Variants in NXPE4 observed in about 807,000 individuals in gnomAD.
The protein encoded by NXPE4 is NXPE family member 4.
NXPE4 carries 42 observed loss-of-function variants against 33.3 expected under a neutral mutation model. The observed-to-expected ratio is 1.26, with a 90% CI of 0.98 to 1.63. NXPE4 has a LOEUF of 1.63. Among genes scored for constraint, NXPE4 ranks in the 40% most tolerant of loss-of-function variants. The pLI is 0.00. For synonymous variants in NXPE4, 253 were observed against 234.9 expected (o/e 1.08, Z -0.71); for missense variants, 709 against 647.6 (o/e 1.09, Z -1.03).
chr11:114,653,138 C>T, the NXPE4 span, among the ~76,000 whole-genome samples: 23 of 152,220 alleles, frequency 1.5e-4, no homozygotes, highest in African/African-American at 4.6e-4. Context: ...ACAATACTGA[C>T]TTGTTTTATA....
At chr11:114,630,067 A>C in the NXPE4 span, among the ~76,000 whole-genome samples, 1 of 151,722 alleles carries the variant, frequency 6.6e-6, no homozygotes, top group Non-Finnish European at 1.5e-5. Context: ...GGGTAGGAAG[A>C]ATCAATATCG....
rs1178808260 is a variant in NXPE4 at position 114,583,032 on chromosome 11, A to G, written c.97-11T>C. On this transcript the variant is annotated splice_polypyrimidine_tract_variant and intron_variant, in intron 2 of 5. Transcript: ENST00000375478. ...TAGAGCAGACCAAACCTGAAATGAC[A>G]GCAAATGTGACATGAGATGGATAAA... is the stretch of plus-strand genomic sequence containing the variant. The G allele has an allele frequency of 1.9e-6, 3 of 1,596,568 alleles. No homozygotes were observed. In the African/African-American group the frequency reaches 4.0e-5, roughly 21 times the overall value.
rs1288739425 is a variant in NXPE4, at chr11:114,581,903, AC to A, written c.831-118del. ...TAGAGATAAGTCAATTATTATGCCT[AC>A]AGTTTCAGGCCATTTAGTAAATTTC... On this transcript the variant is annotated intron_variant, in intron 3 of 5. Coordinates refer to ENST00000375478, the MANE Select transcript of NXPE4 (RefSeq NM_001077639.2). 12 of 720,368 alleles carry A rather than the reference AC, an allele frequency of 1.7e-5. No homozygotes were observed. The African/African-American group carries it at 2.0e-4, about 12-fold the overall frequency. 44.6% of individuals were successfully genotyped at this position (720,368 alleles called of 1,614,324 possible). A position where few individuals can be genotyped will look rare whatever the true frequency, so the allele number is the denominator to read the frequency against.
chr11:114,651,914 A>G, the NXPE4 span, among the ~76,000 whole-genome samples: 1 of 152,212 alleles, frequency 6.6e-6, no homozygotes, highest in East Asian at 1.9e-4. Flanking sequence ...AACAGAAACC[A>G]TAAACAAAAC....
chr11:114,580,788 A>T (rs1949126593), intron 4 of NXPE4, among the ~76,000 whole-genome samples: 1 of 152,170 alleles, frequency 6.6e-6, no homozygotes, highest in Non-Finnish European at 1.5e-5. Flanking sequence ...AAATATTAAC[A>T]ACTAGTTTGG....
chr11:114,616,509 A>G, the NXPE4 span, among the ~76,000 whole-genome samples: 1 of 151,692 alleles, frequency 6.6e-6, no homozygotes, highest in Non-Finnish European at 1.5e-5. Context: ...ACCGGTGGAT[A>G]ATATGTATTG....
the NXPE4 span, among the ~76,000 whole-genome samples, chr11:114,636,709 T>C: frequency 6.6e-6 from 1 of 152,086 alleles, no homozygotes; most frequent in South Asian, 2.1e-4. Flanking sequence ...TCTGCCTTCA[T>C]TTCGTTATGT....
At chr11:114,622,706 G>A in the NXPE4 span, among the ~76,000 whole-genome samples, 22 of 150,652 alleles carry the variant, frequency 1.5e-4, no homozygotes, top group Non-Finnish European at 2.2e-4. Flanking sequence ...CCCTTTTCCC[G>A]GTGGATAATA....
At chr11:114,657,271 T>C in the NXPE4 span, among the ~76,000 whole-genome samples, 1 of 152,152 alleles carries the variant, frequency 6.6e-6, no homozygotes, top group South Asian at 2.1e-4. Context: ...AGCACAGAGG[T>C]TCTTAGCCAG....
At chr11:114,648,783 C>T in the NXPE4 span, among the ~76,000 whole-genome samples, 1 of 152,196 alleles carries the variant, frequency 6.6e-6, no homozygotes, top group Non-Finnish European at 1.5e-5. Flanking sequence ...GAGATAAAGT[C>T]CTTGAGTGAT....
At chr11:114,638,842 T>C in the NXPE4 span, among the ~76,000 whole-genome samples, 1,860 of 151,906 alleles carry the variant, frequency 0.012, 37 homozygotes, top group African/African-American at 0.041. Context: ...CTCAGTGGAG[T>C]ACCCAGCCGT....
At chr11:114,606,005 C>T in the NXPE4 span, among the ~76,000 whole-genome samples, 1 of 151,592 alleles carries the variant, frequency 6.6e-6, no homozygotes, top group East Asian at 2.0e-4. Flanking sequence ...CTAAGTATTG[C>T]CTCATGGGTA....
At chr11:114,585,389 C>T (rs1362471092) in intron 2 of NXPE4, among the ~76,000 whole-genome samples, 1 of 152,102 alleles carries the variant, frequency 6.6e-6, no homozygotes, top group Admixed American at 6.5e-5. Context: ...AAGAGATTCA[C>T]TTCAGCTTTA....
At chr11:114,616,616 C>T in the NXPE4 span, among the ~76,000 whole-genome samples, 1 of 139,956 alleles carries the variant, frequency 7.1e-6, no homozygotes, top group Non-Finnish European at 1.6e-5. Context: ...TCATGGGTAA[C>T]CACAGTTACC....
the NXPE4 span, among the ~76,000 whole-genome samples, chr11:114,674,118 C>A: frequency 1.0e-5 from 1 of 100,312 alleles, no homozygotes; most frequent in Non-Finnish European, 2.2e-5. Context: ...AACAAACAAA[C>A]AAACAAACAA....
chr11:114,652,551 G>T, the NXPE4 span, among the ~76,000 whole-genome samples: 1 of 152,148 alleles, frequency 6.6e-6, no homozygotes, highest in African/African-American at 2.4e-5. Flanking sequence ...TAAAAGAGAT[G>T]GTCCATGTAA....
At chr11:114,583,360 C>A in intron 2 of NXPE4, 1 of 619,620 alleles carries the variant, frequency 1.6e-6, no homozygotes, top group Non-Finnish European at 3.1e-6. Context: ...ACTGAATCTG[C>A]GTGACTCATA....
intron 5 of NXPE4, among the ~76,000 whole-genome samples, chr11:114,573,325 A>G (rs1223480615): frequency 6.6e-6 from 1 of 152,172 alleles, no homozygotes; most frequent in African/African-American, 2.4e-5. Flanking sequence ...TTAGGCAACA[A>G]GTAGCACAAT....
chr11:114,620,522 A>T, the NXPE4 span, among the ~76,000 whole-genome samples: 6 of 142,684 alleles, frequency 4.2e-5, no homozygotes, highest in African/African-American at 1.0e-4. Flanking sequence ...TAACCACTTT[A>T]AGGCGGTAGA....
Sources: gnomAD v4.1 joint callset for allele counts (sites outside exome capture counted in the v4.1 genomes callset) on GRCh38, gnomAD v4.1.1 for gene constraint, MANE v1.5 for transcripts, NCBI Gene and HGNC (gene_info 2026-07-23, HGNC 2026-07-21) for gene names.